Variants in DNM3 observed in about 807,000 individuals in gnomAD.
DNM3 encodes dynamin 3.
Under a neutral mutation model 101.6 loss-of-function variants are expected in DNM3, and 47 were observed. The observed-to-expected ratio is 0.46, with a 90% CI of 0.37 to 0.59. DNM3 has a LOEUF of 0.59. Ranked by LOEUF, DNM3 falls within the 20% of genes least tolerant of loss-of-function variation. The probability of loss-of-function intolerance (pLI) is 0.00; values close to 1 mark genes in which losing one functional copy is unlikely to be tolerated. For missense variants in DNM3, 849 were observed against 1,085.7 expected (o/e 0.78, Z 3.06); for synonymous variants, 385 against 387.9 (o/e 0.99, Z 0.09).
chr1:171,849,338 T>C (rs946758292), intron 1 of DNM3, among the ~76,000 whole-genome samples: 1 of 152,114 alleles, frequency 6.6e-6, no homozygotes, highest in African/African-American at 2.4e-5. Flanking sequence ...ATCTGCAAAA[T>C]AGGGATTGCA....
Position 172,382,970 on chromosome 1 carries a change from A to T in DNM3, c.2058+3788A>T, listed in dbSNP as rs556365770. Among the ~76,000 whole-genome samples the T allele has an allele frequency of 2.1e-3, 323 of 152,252 alleles. 1 individual carries two copies. The highest frequency in any genetic ancestry group is 7.1e-3 in the African/African-American group (297 of 41,554). On this transcript the variant is annotated intron_variant, in intron 18 of 20. Coordinates refer to ENST00000627582, the MANE Select transcript of DNM3 (RefSeq NM_015569.5). ...AATTAGTAACATGTGCCCTAGTTTC[A>T]AAACTTACTGTAACTTTAATGCGTA...
chr1:172,259,138 A>G (rs2062541372), intron 15 of DNM3, among the ~76,000 whole-genome samples: 1 of 151,880 alleles, frequency 6.6e-6, no homozygotes, highest in Non-Finnish European at 1.5e-5. Context: ...ATTTTTAAAA[A>G]TTTTTTGAGA....
intron 15 of DNM3, among the ~76,000 whole-genome samples, chr1:172,262,684 T>C (rs2062708768): frequency 6.6e-6 from 1 of 152,166 alleles, no homozygotes; most frequent in Non-Finnish European, 1.5e-5. Flanking sequence ...TATCCACTCA[T>C]TATTTTGGTT....
At chr1:172,024,716 C>T (rs369436393) in intron 4 of DNM3, among the ~76,000 whole-genome samples, 4 of 139,826 alleles carry the variant, frequency 2.9e-5, no homozygotes, top group Middle Eastern at 3.9e-3. Flanking sequence ...AACTCCCTGC[C>T]CTAGCAAAGA....
chr1:171,936,182 C>T (rs1182227968), intron 2 of DNM3, among the ~76,000 whole-genome samples: 1 of 151,868 alleles, frequency 6.6e-6, no homozygotes, highest in Non-Finnish European at 1.5e-5. Context: ...CATGGTGAAA[C>T]CCCATCTCCA....
chr1:172,258,137 A>T (rs1376199326), intron 15 of DNM3, among the ~76,000 whole-genome samples: 2 of 152,122 alleles, frequency 1.3e-5, no homozygotes, highest in Non-Finnish European at 1.5e-5. Flanking sequence ...TATGGCAGAT[A>T]GTATTCCACT....
intron 12 of DNM3, among the ~76,000 whole-genome samples, chr1:172,085,536 A>G (rs760303325): frequency 1.3e-5 from 2 of 152,184 alleles, no homozygotes; most frequent in Non-Finnish European, 1.5e-5. Flanking sequence ...ATGTGCCGTT[A>G]GAGTGATATC....
intron 6 of DNM3, among the ~76,000 whole-genome samples, 191 bp from the exon 7 acceptor site, chr1:172,038,128 G>A (rs1268173573): frequency 6.6e-6 from 1 of 152,178 alleles, no homozygotes; most frequent in Non-Finnish European, 1.5e-5. Flanking sequence ...CATCTCTGAA[G>A]GGCAGTGGAG....
At chr1:172,313,166 C>T (rs1017341685) in intron 16 of DNM3, among the ~76,000 whole-genome samples, 3 of 152,160 alleles carry the variant, frequency 2.0e-5, no homozygotes, top group Non-Finnish European at 4.4e-5. Flanking sequence ...ATTGAAATTA[C>T]AACCATTGTA....
At chr1:172,146,164 C>G (rs1174624626) in intron 14 of DNM3, among the ~76,000 whole-genome samples, 1 of 152,144 alleles carries the variant, frequency 6.6e-6, no homozygotes, top group African/African-American at 2.4e-5. Context: ...TTTCCACTGG[C>G]CTTCTGAAAT....
intron 1 of DNM3, among the ~76,000 whole-genome samples, chr1:171,859,389 T>C (rs1192104429): frequency 6.6e-6 from 1 of 152,212 alleles, no homozygotes; most frequent in East Asian, 1.9e-4. Context: ...TGTTAAATTA[T>C]CTTATTTGCT....
chr1:172,005,968 A>T (rs536452754), intron 4 of DNM3, among the ~76,000 whole-genome samples: 1 of 152,210 alleles, frequency 6.6e-6, no homozygotes, highest in African/African-American at 2.4e-5. Flanking sequence ...TGCTGATAAG[A>T]ATCACTGGAT....
At chr1:172,404,175 C>A (rs1010822903) in intron 20 of DNM3, among the ~76,000 whole-genome samples, 1 of 152,016 alleles carries the variant, frequency 6.6e-6, no homozygotes, top group Non-Finnish European at 1.5e-5. Flanking sequence ...TTAACTGCAA[C>A]TAGGCATATT....
At chr1:172,100,051 ACTTTTT>A (rs2054528374) in intron 13 of DNM3, among the ~76,000 whole-genome samples, 1 of 152,114 alleles carries the variant, frequency 6.6e-6, no homozygotes, top group Non-Finnish European at 1.5e-5. Context: ...AACTGGAAAG[ACTTTTT>A]CTTTAAGCAG....
chr1:172,184,672 G>A (rs1453462244), intron 14 of DNM3, among the ~76,000 whole-genome samples: 2 of 152,118 alleles, frequency 1.3e-5, no homozygotes, highest in African/African-American at 2.4e-5. Context: ...GGATGTGTAA[G>A]CCCAGGAATG....
intron 1 of DNM3, among the ~76,000 whole-genome samples, chr1:171,907,109 C>G (rs1423729532): frequency 1.3e-5 from 2 of 152,200 alleles, no homozygotes; most frequent in Non-Finnish European, 2.9e-5. Flanking sequence ...GATGTTTTGC[C>G]TCTATTACTG....
intron 14 of DNM3, among the ~76,000 whole-genome samples, chr1:172,182,071 C>A (rs550297509): frequency 4.2e-4 from 64 of 151,778 alleles, no homozygotes; most frequent in Non-Finnish European, 7.7e-4. Flanking sequence ...TTGGTTATAA[C>A]GAACTGGAAC....
At chr1:172,387,949 G>T (rs1365959827) in intron 19 of DNM3, among the ~76,000 whole-genome samples, 2 of 151,728 alleles carry the variant, frequency 1.3e-5, no homozygotes, top group African/African-American at 2.4e-5. Flanking sequence ...AAGGGAGGTT[G>T]TATGCCAGGC....
At chr1:172,347,451 G>A (rs2148974859) in intron 17 of DNM3, among the ~76,000 whole-genome samples, 1 of 152,182 alleles carries the variant, frequency 6.6e-6, no homozygotes, top group South Asian at 2.1e-4. Flanking sequence ...TAGAAATAAA[G>A]AGGCTTTAAG....
Sources: allele counts gnomAD v4.1 joint callset (sites outside exome capture counted in the v4.1 genomes callset), GRCh38; gene constraint gnomAD v4.1.1; transcripts MANE v1.5; gene names NCBI Gene and HGNC (gene_info 2026-07-23, HGNC 2026-07-21).